The following WWOX variants were observed in gnomAD, a reference collection of about 807,000 sequenced individuals.
WWOX encodes the protein WW domain-containing oxidoreductase.
WWOX carries 69 observed loss-of-function variants against 46.2 expected under a neutral mutation model. That is an observed-to-expected ratio of 1.49 (90% CI 1.23 to 1.82). The LOEUF (loss-of-function observed/expected upper bound fraction) is 1.82. Ranked by LOEUF, WWOX falls within the 40% of genes most tolerant of loss-of-function variation. WWOX has a pLI of 0.00. For missense variants in WWOX, 919 were observed against 542.6 expected (o/e 1.69, Z -6.89); for synonymous variants, 359 against 202.6 (o/e 1.77, Z -6.56).
intron 8 of WWOX, among the ~76,000 whole-genome samples, chr16:79,162,304 CT>C (rs1485123126): frequency 1.3e-5 from 2 of 152,158 alleles, no homozygotes; most frequent in African/African-American, 4.8e-5. Context: ...GCGGAATTTA[CT>C]TCTTCAAAGT....
intron 8 of WWOX, among the ~76,000 whole-genome samples, chr16:78,532,213 A>G (rs1266508425): frequency 6.6e-6 from 1 of 152,136 alleles, no homozygotes; most frequent in Non-Finnish European, 1.5e-5. Context: ...TTACATTTTA[A>G]TATTGGTATC....
intron 8 of WWOX, among the ~76,000 whole-genome samples, chr16:78,843,406 C>T (rs1430922461): frequency 6.7e-6 from 1 of 149,974 alleles, no homozygotes; most frequent in Non-Finnish European, 1.5e-5. Flanking sequence ...CAAAGCCAAT[C>T]GCCCATTCCT....
chr16:79,206,921 G>A (rs1289261798), intron 8 of WWOX, among the ~76,000 whole-genome samples: 1 of 152,196 alleles, frequency 6.6e-6, no homozygotes, highest in South Asian at 2.1e-4. Context: ...TAGGGAACAA[G>A]TGGCCTTTTG....
At chr16:78,832,619 C>G (rs1294334852) in intron 8 of WWOX, among the ~76,000 whole-genome samples, 4 of 152,116 alleles carry the variant, frequency 2.6e-5, no homozygotes, top group East Asian at 1.9e-4. Flanking sequence ...AAATGCGTCC[C>G]TCTCTCCTTC....
intron 8 of WWOX, among the ~76,000 whole-genome samples, chr16:78,921,282 G>A (rs781681064): frequency 7.2e-5 from 11 of 152,072 alleles, no homozygotes; most frequent in African/African-American, 1.4e-4. Context: ...TCAAAATGCC[G>A]CATTTATTTT....
At chr16:79,170,670 A>T (rs75047883) in intron 8 of WWOX, among the ~76,000 whole-genome samples, 1 of 151,224 alleles carries the variant, frequency 6.6e-6, no homozygotes, top group Non-Finnish European at 1.5e-5. Flanking sequence ...AGTTACTTCT[A>T]TTTTTTTTTA....
At position 78,838,056 on chromosome 16, in the gene WWOX, A is replaced by T. The variant is rs553650799; in HGVS notation, c.1057-373552A>T. ...AGACTGGCACAGTTAGAGGCCAGGA[A>T]CCCATCTTGGCTGTGTGCCTTCTGC... is the stretch of plus-strand genomic sequence containing the variant. On this transcript the variant is annotated intron_variant, in intron 8 of 8. Coordinates refer to ENST00000566780, the MANE Select transcript of WWOX (RefSeq NM_016373.4). Among the ~76,000 whole-genome samples, 7 of 152,042 alleles carry T rather than the reference A, an allele frequency of 4.6e-5. No individual in the cohort carries two copies. The South Asian group carries it at 1.5e-3, about 32-fold the overall frequency.
In WWOX at chr16:78,861,204, T is replaced by A. The variant is rs903056045; in HGVS notation, c.1057-350404T>A. On this transcript the variant is annotated intron_variant, in intron 8 of 8. Transcript: ENST00000566780. Reference sequence around the variant, plus strand: ...CTTCTTTCCTTTTTTCCTTCTCTGTTGAAGGCCTGAATAAAATAAAAGACT... The same window carrying A: ...CTTCTTTCCTTTTTTCCTTCTCTGTAGAAGGCCTGAATAAAATAAAAGACT... Among the ~76,000 whole-genome samples the A allele has an allele frequency of 3.3e-5, 5 of 152,212 alleles. No homozygotes were observed. The South Asian group carries it at 1.0e-3, about 32-fold the overall frequency.
intron 8 of WWOX, among the ~76,000 whole-genome samples, chr16:78,993,696 A>G (rs1597249445): frequency 6.6e-6 from 1 of 152,222 alleles, no homozygotes; most frequent in African/African-American, 2.4e-5. Context: ...ACGGGGGGAC[A>G]GGAAACACAC....
intron 8 of WWOX, among the ~76,000 whole-genome samples, chr16:79,080,025 T>A (rs2048731231): frequency 6.6e-6 from 1 of 152,174 alleles, no homozygotes; most frequent in Non-Finnish European, 1.5e-5. Flanking sequence ...ACGCACTGCT[T>A]TAGGCACTGG....
chr16:78,922,231 T>G (rs1330289953), intron 8 of WWOX, among the ~76,000 whole-genome samples: 1 of 152,122 alleles, frequency 6.6e-6, no homozygotes, highest in Admixed American at 6.5e-5. Flanking sequence ...TGTTGGTCCT[T>G]TAAGAATGGT....
intron 8 of WWOX, chr16:78,691,132 G>A (rs2047977693): frequency 4.6e-6 from 3 of 652,728 alleles, no homozygotes; most frequent in Non-Finnish European, 8.3e-6. Flanking sequence ...TGCTTTAGAA[G>A]TTCATAAAAG....
chr16:78,919,728 G>C (rs1044486852), intron 8 of WWOX, among the ~76,000 whole-genome samples: 17 of 151,970 alleles, frequency 1.1e-4, no homozygotes, highest in Admixed American at 8.5e-4. Flanking sequence ...TATTGGCCCA[G>C]CTGGTCTCGA....
intron 8 of WWOX, among the ~76,000 whole-genome samples, chr16:78,987,162 C>T (rs545435131): frequency 6.6e-5 from 10 of 152,264 alleles, no homozygotes; most frequent in South Asian, 4.1e-4. Flanking sequence ...CAGAAGCACA[C>T]GGGAGGTCTT....
At chr16:78,389,732 C>A (rs936447162) in intron 6 of WWOX, among the ~76,000 whole-genome samples, 1 of 152,070 alleles carries the variant, frequency 6.6e-6, no homozygotes, top group African/African-American at 2.4e-5. Context: ...CCGTACTATA[C>A]TGTGTTTCAT....
chr16:78,232,641 A>G (rs2037304533), intron 5 of WWOX, among the ~76,000 whole-genome samples: 4 of 152,224 alleles, frequency 2.6e-5, no homozygotes, highest in Admixed American at 1.3e-4. Flanking sequence ...GGGGCTGAAT[A>G]TATTTTTATG....
chr16:78,701,012 G>C (rs2048205079), intron 8 of WWOX, among the ~76,000 whole-genome samples: 1 of 152,152 alleles, frequency 6.6e-6, no homozygotes, highest in African/African-American at 2.4e-5. Flanking sequence ...GCCTAGGTTT[G>C]AATCCAGGGT....
intron 8 of WWOX, among the ~76,000 whole-genome samples, chr16:79,162,023 C>G (rs1024284569): frequency 6.6e-6 from 1 of 152,176 alleles, no homozygotes; most frequent in African/African-American, 2.4e-5. Context: ...ACCTGTCTCC[C>G]AGATCTGTCC....
At chr16:78,791,274 C>T (rs1489062697) in intron 8 of WWOX, among the ~76,000 whole-genome samples, 4 of 152,114 alleles carry the variant, frequency 2.6e-5, no homozygotes, top group East Asian at 1.9e-4. Flanking sequence ...CCACCAGGCA[C>T]TCGGGTTTCC....
Sources: gnomAD v4.1 joint callset for allele counts (sites outside exome capture counted in the v4.1 genomes callset) on GRCh38, gnomAD v4.1.1 for gene constraint, MANE v1.5 for transcripts, NCBI Gene and HGNC (gene_info 2026-07-23, HGNC 2026-07-21) for gene names.